The following GUCY2F variants were observed in gnomAD, a reference collection of about 807,000 sequenced individuals.
GUCY2F encodes guanylate cyclase 2F, retinal, also known as retinal guanylyl cyclase 2.
In GUCY2F, 61 loss-of-function variants were observed where a neutral mutation model predicts 73.1. That is an observed-to-expected ratio of 0.83 (90% CI 0.68 to 1.03). The LOEUF is 1.03. GUCY2F is among the 50% of genes least tolerant of loss of function. The pLI, the probability that GUCY2F is intolerant of heterozygous loss-of-function variation, is 0.00. For synonymous variants in GUCY2F, 331 were observed against 307.8 expected (o/e 1.08, Z -0.79); for missense variants, 912 against 854.3 (o/e 1.07, Z -0.84).
intron 11 of GUCY2F, among the ~76,000 whole-genome samples, chrX:109,397,796 G>T (rs1380946279): frequency 3.7e-5 from 4 of 109,477 alleles, no homozygotes; most frequent in Non-Finnish European, 7.6e-5. Flanking sequence ...GTCAGCTGGG[G>T]TTTGTCTAAA....
At chrX:109,468,610 A>G (rs1332657658) in intron 2 of GUCY2F, among the ~76,000 whole-genome samples, 1 of 111,073 alleles carries the variant, frequency 9.0e-6, no homozygotes, top group Admixed American at 9.6e-5. Context: ...TCTCCTCTTT[A>G]TTTTTCTTTC....
At chrX:109,396,296 G>C (rs1436416631) in intron 11 of GUCY2F, among the ~76,000 whole-genome samples, 23 of 109,971 alleles carry the variant, frequency 2.1e-4, no homozygotes, top group Admixed American at 1.2e-3. Flanking sequence ...GTGACAAAAG[G>C]TCTAGAGCAG....
chrX:109,456,913 A>G (rs1569372992), intron 3 of GUCY2F, among the ~76,000 whole-genome samples: 1 of 111,698 alleles, frequency 9.0e-6, no homozygotes, highest in South Asian at 3.8e-4. Context: ...AACGAGAAAG[A>G]GAAAAGGTAA....
At chrX:109,451,872 C>T in intron 5 of GUCY2F, 151 bp downstream of exon 5, 2 of 444,221 alleles carry the variant, frequency 4.5e-6, no homozygotes, top group Non-Finnish European at 8.0e-6. Flanking sequence ...CTAAATGGGG[C>T]CTGTAGGAAT....
intron 12 of GUCY2F, among the ~76,000 whole-genome samples, chrX:109,393,727 T>C (rs1249098259): frequency 8.9e-6 from 1 of 112,149 alleles, no homozygotes; most frequent in African/African-American, 3.2e-5. Flanking sequence ...AAATTTTCAA[T>C]ACGCCTTTTT....
rs143309108 is a variant in GUCY2F, at chrX:109,453,537, C to A, written c.1355G>T (p.Cys452Phe). The A allele has an allele frequency of 7.5e-6, 9 of 1,201,955 alleles. No homozygotes were observed. The African/African-American group carries it at 1.1e-4, about 14-fold the overall frequency. The change falls in exon 4 of 20, where the codon TGC becomes TTC. Residue 452 changes from cysteine to phenylalanine, a missense_variant. Transcript: ENST00000218006. ...GGRPPRADAK[C>F]WFAEGKICHG... Reference sequence around the variant, plus strand: ...GCAGATCTTCCCTTCTGCAAACCAGCATTTTGCATCTGCTCTAGGGGGCCT... The same window carrying A: ...GCAGATCTTCCCTTCTGCAAACCAGAATTTTGCATCTGCTCTAGGGGGCCT...
At chrX:109,451,373 A>G (rs777484949) in intron 5 of GUCY2F, among the ~76,000 whole-genome samples, 1 of 111,714 alleles carries the variant, frequency 9.0e-6, no homozygotes, top group South Asian at 3.7e-4. Flanking sequence ...GCAAGATGGT[A>G]GAAATCTAGA....
At chrX:109,447,945 C>T (rs971261492) in intron 6 of GUCY2F, 124 bp downstream of exon 6, 13 of 327,371 alleles carry the variant, frequency 4.0e-5, no homozygotes, top group Non-Finnish European at 5.5e-5. Flanking sequence ...TCTAAACCCA[C>T]TGAGTACTTT....
intron 14 of GUCY2F, among the ~76,000 whole-genome samples, chrX:109,389,575 T>G (rs1456402711): frequency 8.9e-6 from 1 of 112,247 alleles, no homozygotes; most frequent in Admixed American, 9.4e-5. Flanking sequence ...TGTGTGGCCA[T>G]GGGCAAATCA....
chrX:109,420,037 C>T (rs1931328889), intron 8 of GUCY2F, among the ~76,000 whole-genome samples: 1 of 109,235 alleles, frequency 9.2e-6, no homozygotes, highest in African/African-American at 3.3e-5. Flanking sequence ...GTTAATTTTT[C>T]ACCAAGTTAC....
chrX:109,374,084 T>G (rs1930121752), intron 19 of GUCY2F, among the ~76,000 whole-genome samples: 1 of 112,253 alleles, frequency 8.9e-6, no homozygotes, highest in African/African-American at 3.2e-5. Flanking sequence ...CTTTTGTAAG[T>G]TGGGTCTATC....
intron 16 of GUCY2F, among the ~76,000 whole-genome samples, chrX:109,383,163 C>T (rs16985717): frequency 0.011 from 1,262 of 111,618 alleles, 18 homozygotes; most frequent in African/African-American, 0.039. Flanking sequence ...TTTGTTTGTG[C>T]CTTCCTCATT....
In GUCY2F at chrX:109,452,326, C is replaced by G. The variant is rs939777592; in HGVS notation, c.1388-219G>C. Among the ~76,000 whole-genome samples, 3 of 111,463 alleles carry G rather than the reference C, an allele frequency of 2.7e-5. No homozygotes were observed. The East Asian group carries it at 8.4e-4, about 31-fold the overall frequency. On this transcript the variant is annotated intron_variant, in intron 4 of 19. Coordinates refer to ENST00000218006, the MANE Select transcript of GUCY2F (RefSeq NM_001522.3). ...GAAGCAAAACCACTAACCACTCTGACAATAACAAATCACATGAATTAAGGC... is the reference window on the plus strand; with the variant it reads ...GAAGCAAAACCACTAACCACTCTGAGAATAACAAATCACATGAATTAAGGC...
chrX:109,467,518 G>A lies in GUCY2F; in HGVS notation c.731-2075C>T, dbSNP rs1932493730. ...AAAATGTTAAATAGAACTAGTGTTT[G>A]GTGCTGATTGCAATACAGCAAATAC... On this transcript the variant is annotated intron_variant, in intron 2 of 19. Coordinates refer to ENST00000218006, the MANE Select transcript of GUCY2F (RefSeq NM_001522.3). Among the ~76,000 whole-genome samples, 3 of 112,764 alleles carry A rather than the reference G, an allele frequency of 2.7e-5. No homozygotes were observed. The Admixed American group carries it at 2.8e-4, about 11-fold the overall frequency.
intron 3 of GUCY2F, among the ~76,000 whole-genome samples, chrX:109,460,862 T>A (rs1172737397): frequency 8.9e-6 from 1 of 111,838 alleles, no homozygotes; most frequent in East Asian, 2.8e-4. Context: ...TGCATAAAAT[T>A]GTTTTGACAG....
chrX:109,420,160 C>T (rs1352164293), intron 8 of GUCY2F, among the ~76,000 whole-genome samples: 1 of 97,466 alleles, frequency 1.0e-5, no homozygotes, highest in Non-Finnish European at 2.0e-5. Context: ...AAAAGTAATT[C>T]AAAATGGATC....
rs773258991 is a variant in GUCY2F at position 109,481,042 on chromosome X, AGAAGGAAGGAAG to A, written c.-86+812_-86+823del. On this transcript the variant is annotated intron_variant, in intron 1 of 19. Transcript: ENST00000218006. ...GGGGAGGGAGGAATGAAGGGAGAGA[AGAAGGAAGGAAG>A]GAAGGAAGGAAGGAAGGAAGGAAGG... Among the ~76,000 whole-genome samples the A allele has an allele frequency of 6.5e-3, 260 of 40,191 alleles. 2 individuals are homozygous for A. Among genetic ancestry groups the A allele is most frequent in the African/African-American group, 0.012 (99 of 8,287 alleles). The allele number at this position is 40,191 out of a possible 115,157, so 34.9% of individuals were successfully genotyped here.
At chrX:109,402,476 G>A (rs1197503814) in intron 10 of GUCY2F, among the ~76,000 whole-genome samples, 9 of 108,550 alleles carry the variant, frequency 8.3e-5, no homozygotes, top group African/African-American at 1.7e-4. Flanking sequence ...AGACTCAAGC[G>A]ATTCTCCTGC....
intron 3 of GUCY2F, among the ~76,000 whole-genome samples, chrX:109,460,796 CAGAG>C (rs756957855): frequency 1.2e-3 from 137 of 111,508 alleles, no homozygotes; most frequent in African/African-American, 4.2e-3. Flanking sequence ...AATAGGAAGA[CAGAG>C]AGCCCCAGCA....
Sources: allele counts gnomAD v4.1 joint callset (sites outside exome capture counted in the v4.1 genomes callset), GRCh38; gene constraint gnomAD v4.1.1; transcripts MANE v1.5; gene names NCBI Gene and HGNC (gene_info 2026-07-23, HGNC 2026-07-21).